Variants in CCSER2 observed in about 807,000 individuals in gnomAD.
The protein encoded by CCSER2 is serine-rich coiled-coil domain-containing protein 2.
Under a neutral mutation model 92.3 loss-of-function variants are expected in CCSER2, and 46 were observed. The observed-to-expected ratio is 0.50, with a 90% CI of 0.39 to 0.64. The LOEUF (loss-of-function observed/expected upper bound fraction) is 0.64. Ranked by LOEUF, CCSER2 falls within the 30% of genes least tolerant of loss-of-function variation. CCSER2 has a pLI of 0.00. For synonymous variants in CCSER2, 433 were observed against 431.4 expected (o/e 1.00, Z -0.04); for missense variants, 1,244 against 1,238.9 (o/e 1.00, Z -0.06).
intron 4 of CCSER2, among the ~76,000 whole-genome samples, chr10:84,420,160 C>T (rs891256323): frequency 6.6e-5 from 10 of 152,170 alleles, no homozygotes; most frequent in African/African-American, 1.9e-4. Flanking sequence ...TAGAGCCTGC[C>T]TTATCTTTAG....
At chr10:84,492,692 T>C (rs536250096) in intron 9 of CCSER2, among the ~76,000 whole-genome samples, 24 of 152,348 alleles carry the variant, frequency 1.6e-4, no homozygotes, top group Middle Eastern at 3.4e-3. Flanking sequence ...AGTTGGATTT[T>C]GTTACTTTTG....
intron 9 of CCSER2, among the ~76,000 whole-genome samples, chr10:84,481,171 G>A (rs2133757367): frequency 6.6e-6 from 1 of 151,998 alleles, no homozygotes; most frequent in East Asian, 1.9e-4. Flanking sequence ...GAAATACAAG[G>A]GCAGGAGGGT....
At chr10:84,439,715 G>A (rs1844408944) in intron 6 of CCSER2, among the ~76,000 whole-genome samples, 1 of 152,144 alleles carries the variant, frequency 6.6e-6, no homozygotes, top group Admixed American at 6.5e-5. Flanking sequence ...ACTTTTTTGA[G>A]CTAAGGAACA....
intron 6 of CCSER2, among the ~76,000 whole-genome samples, chr10:84,450,318 C>G (rs1376206379): frequency 6.6e-6 from 1 of 152,114 alleles, no homozygotes; most frequent in Non-Finnish European, 1.5e-5. Flanking sequence ...CAGTATAAAA[C>G]TATCAAAAGG....
intron 1 of CCSER2, among the ~76,000 whole-genome samples, chr10:84,352,061 G>A (rs1348242156): frequency 6.6e-6 from 1 of 152,194 alleles, no homozygotes; most frequent in African/African-American, 2.4e-5. Context: ...AGCACTTTGG[G>A]AGGCCGAGGC....
intron 1 of CCSER2, among the ~76,000 whole-genome samples, chr10:84,368,320 CT>C (rs1400830970): frequency 4.0e-5 from 6 of 151,830 alleles, no homozygotes; most frequent in African/African-American, 9.7e-5. Flanking sequence ...ACTTTTTAAA[CT>C]TTATAAGTTC....
At chr10:84,347,386 G>A (rs1256684643) in intron 1 of CCSER2, among the ~76,000 whole-genome samples, 2 of 151,650 alleles carry the variant, frequency 1.3e-5, no homozygotes, top group Non-Finnish European at 2.9e-5. Flanking sequence ...TCCCGGACGG[G>A]GCGGCTGGCC....
chr10:84,502,858 T>C (rs926443268), intron 9 of CCSER2, among the ~76,000 whole-genome samples: 1 of 152,122 alleles, frequency 6.6e-6, no homozygotes, highest in South Asian at 2.1e-4. Context: ...TAATTAATGT[T>C]TACAGGGAGT....
chr10:84,408,479 C>T (rs188799179), intron 3 of CCSER2, among the ~76,000 whole-genome samples: 1 of 152,130 alleles, frequency 6.6e-6, no homozygotes, highest in East Asian at 1.9e-4. Context: ...TTCCTCTTCC[C>T]CTTTCCTTTT....
chr10:84,485,094 AAG>A (rs1437964486), intron 9 of CCSER2, among the ~76,000 whole-genome samples: 2 of 152,196 alleles, frequency 1.3e-5, no homozygotes, highest in African/African-American at 4.8e-5. Context: ...GTAATTACAA[AAG>A]AGTGATAAGA....
chr10:84,357,935 G>A (rs1845279988), intron 1 of CCSER2, among the ~76,000 whole-genome samples: 1 of 152,168 alleles, frequency 6.6e-6, no homozygotes, highest in South Asian at 2.1e-4. Flanking sequence ...GTTATGGAAA[G>A]CATATAGTAG....
At chr10:84,385,885 A>G (rs1385137408) in intron 3 of CCSER2, among the ~76,000 whole-genome samples, 4 of 152,136 alleles carry the variant, frequency 2.6e-5, no homozygotes, top group East Asian at 1.9e-4. Context: ...ACTCAACAAG[A>G]AAAAAAATGT....
chr10:84,346,776 ATT>A (rs1491296085), intron 1 of CCSER2, among the ~76,000 whole-genome samples: 121 of 143,474 alleles, frequency 8.4e-4, no homozygotes, highest in African/African-American at 2.7e-3. Context: ...ATATATATAT[ATT>A]TATTTATTTA....
intron 6 of CCSER2, among the ~76,000 whole-genome samples, chr10:84,460,273 T>TTTTG (rs1302728309): frequency 6.8e-6 from 1 of 147,114 alleles, no homozygotes; most frequent in Non-Finnish European, 1.5e-5. Flanking sequence ...TTTTTTTTTT[T>TTTTG]TCATATTTTT....
intron 6 of CCSER2, among the ~76,000 whole-genome samples, chr10:84,442,203 T>A (rs1477308054): frequency 1.0e-5 from 1 of 95,540 alleles, no homozygotes; most frequent in Non-Finnish European, 2.3e-5. Context: ...TAAGAAAAGT[T>A]GAGATCTCTT....
chr10:84,469,307 T>G (rs1846638111), intron 7 of CCSER2, among the ~76,000 whole-genome samples: 1 of 152,174 alleles, frequency 6.6e-6, no homozygotes, highest in Non-Finnish European at 1.5e-5. Flanking sequence ...TTATGAATTT[T>G]TATAATTCCT....
intron 1 of CCSER2, among the ~76,000 whole-genome samples, chr10:84,361,126 A>C (rs1425557598): frequency 6.6e-6 from 1 of 152,208 alleles, no homozygotes; most frequent in Non-Finnish European, 1.5e-5. Context: ...TGTGCCGTTA[A>C]GAGGGGGCTT....
chr10:84,379,876 C>T (rs1436100400), intron 3 of CCSER2, among the ~76,000 whole-genome samples: 6 of 151,806 alleles, frequency 4.0e-5, no homozygotes, highest in Non-Finnish European at 7.4e-5. Context: ...CTGTATTTTT[C>T]TCTGTTCCCC....
chr10:84,373,989 G>A (rs781059308), intron 3 of CCSER2, 174 bp downstream of exon 3: 8 of 1,348,848 alleles, frequency 5.9e-6, no homozygotes, highest in African/African-American at 1.5e-5. Context: ...AATAAAGCAT[G>A]GAGAATATAT....
Sources: allele counts gnomAD v4.1 joint callset (sites outside exome capture counted in the v4.1 genomes callset), GRCh38; gene constraint gnomAD v4.1.1; transcripts MANE v1.5; gene names NCBI Gene and HGNC (gene_info 2026-07-23, HGNC 2026-07-21).